Variants in SUPT3H observed in about 807,000 individuals in gnomAD.
The protein encoded by SUPT3H is transcription initiation protein SPT3 homolog.
SUPT3H carries 44 observed loss-of-function variants against 44.3 expected under a neutral mutation model. That is an observed-to-expected ratio of 0.99 (90% CI 0.78 to 1.28). SUPT3H has a LOEUF of 1.28. Among genes scored for constraint, SUPT3H ranks in the 50% most tolerant of loss-of-function variants. SUPT3H has a pLI of 0.00. For synonymous variants in SUPT3H, 124 were observed against 125.6 expected (o/e 0.99, Z 0.09); for missense variants, 380 against 387.1 (o/e 0.98, Z 0.15).
At chr6:44,986,459 A>C (rs946024255) in intron 6 of SUPT3H, among the ~76,000 whole-genome samples, 10 of 152,162 alleles carry the variant, frequency 6.6e-5, no homozygotes, top group Non-Finnish European at 1.0e-4. Context: ...ACTACTACTA[A>C]TACTATTGAG....
intron 5 of SUPT3H, among the ~76,000 whole-genome samples, chr6:45,012,545 G>A (rs1318329745): frequency 2.6e-5 from 4 of 151,828 alleles, no homozygotes; most frequent in South Asian, 2.1e-4. Context: ...TTTGTGAGAC[G>A]CTATTATCAT....
chr6:44,813,270 C>T (rs1766663148), intron 11 of SUPT3H, among the ~76,000 whole-genome samples: 1 of 152,176 alleles, frequency 6.6e-6, no homozygotes, highest in African/African-American at 2.4e-5. Context: ...ACAGCAGCCT[C>T]AAATTCCTGA....
chr6:45,281,390 C>T (rs905890253), intron 2 of SUPT3H, among the ~76,000 whole-genome samples: 4 of 152,224 alleles, frequency 2.6e-5, no homozygotes, highest in Non-Finnish European at 5.9e-5. Context: ...GTCATTCCCA[C>T]CCTAATACTG....
chr6:45,283,246 A>C (rs1778523911), intron 2 of SUPT3H, among the ~76,000 whole-genome samples: 1 of 152,186 alleles, frequency 6.6e-6, no homozygotes, highest in Non-Finnish European at 1.5e-5. Flanking sequence ...TATTAACCTT[A>C]AATGTAAATG....
chr6:44,863,891 G>A (rs150763147), intron 10 of SUPT3H, among the ~76,000 whole-genome samples: 6 of 152,024 alleles, frequency 3.9e-5, no homozygotes, highest in African/African-American at 1.4e-4. Flanking sequence ...ATCAGATCTC[G>A]TGACACTTAT....
chr6:44,846,518 A>G (rs1488977219), intron 10 of SUPT3H, among the ~76,000 whole-genome samples: 1 of 152,188 alleles, frequency 6.6e-6, no homozygotes, highest in East Asian at 1.9e-4. Flanking sequence ...AAGGAGTGGG[A>G]AAAAGGAGGT....
chr6:45,234,024 C>T (rs1435717218), intron 2 of SUPT3H, among the ~76,000 whole-genome samples: 1 of 152,116 alleles, frequency 6.6e-6, no homozygotes, highest in Non-Finnish European at 1.5e-5. Flanking sequence ...TCACCTAGTC[C>T]TTGCAAGGTA....
intron 2 of SUPT3H, among the ~76,000 whole-genome samples, chr6:45,360,042 C>T (rs537122195): frequency 6.6e-6 from 1 of 152,216 alleles, no homozygotes; most frequent in African/African-American, 2.4e-5. Flanking sequence ...AGTAGTCACA[C>T]ATAAACTGTT....
chr6:45,165,299 G>A (rs1246822760), intron 2 of SUPT3H, among the ~76,000 whole-genome samples: 3 of 152,134 alleles, frequency 2.0e-5, no homozygotes, highest in South Asian at 2.1e-4. Context: ...GAAGCCTGGT[G>A]TACTAAAAAT....
At chr6:44,941,492 G>A (rs992475428) in intron 9 of SUPT3H, among the ~76,000 whole-genome samples, 9 of 152,072 alleles carry the variant, frequency 5.9e-5, no homozygotes, top group African/African-American at 1.7e-4. Flanking sequence ...GTAAGGTTTT[G>A]CTGAGAAGTC....
At chr6:44,920,606 T>A (rs1266292624) in intron 10 of SUPT3H, among the ~76,000 whole-genome samples, 2 of 151,448 alleles carry the variant, frequency 1.3e-5, no homozygotes, top group Non-Finnish European at 2.9e-5. Flanking sequence ...AAAAGAAATT[T>A]AAGAGACAAA....
At chr6:45,092,987 T>C (rs888415178) in intron 3 of SUPT3H, among the ~76,000 whole-genome samples, 8 of 152,014 alleles carry the variant, frequency 5.3e-5, no homozygotes, top group African/African-American at 1.7e-4. Flanking sequence ...CCTAACACAA[T>C]GTAGTAAAAT....
chr6:45,269,103 G>T (rs979794923), intron 2 of SUPT3H, among the ~76,000 whole-genome samples: 2 of 152,110 alleles, frequency 1.3e-5, no homozygotes, highest in South Asian at 2.1e-4. Flanking sequence ...TGAAAAGAAA[G>T]AAATTTGAGC....
chr6:45,091,937 C>A (rs6922660), intron 3 of SUPT3H, among the ~76,000 whole-genome samples: 57,967 of 151,396 alleles, frequency 0.38, 11,694 homozygotes, highest in Non-Finnish European at 0.45. Flanking sequence ...AATATCAATA[C>A]GCATACTGGG....
intron 2 of SUPT3H, among the ~76,000 whole-genome samples, chr6:45,356,341 T>C (rs920910768): frequency 6.6e-6 from 1 of 152,074 alleles, no homozygotes; most frequent in African/African-American, 2.4e-5. Context: ...TATACACACA[T>C]ATATGTTAAT....
chr6:45,334,590 T>C (rs1390309224), intron 2 of SUPT3H, among the ~76,000 whole-genome samples: 1 of 151,156 alleles, frequency 6.6e-6, no homozygotes, highest in Non-Finnish European at 1.5e-5. Flanking sequence ...GAACTTCACA[T>C]GAACACGATG....
chr6:45,215,550 G>A (rs1054709155), intron 2 of SUPT3H, among the ~76,000 whole-genome samples: 1 of 152,028 alleles, frequency 6.6e-6, no homozygotes, highest in African/African-American at 2.4e-5. Context: ...TTTTAAAAAT[G>A]TAGTACAATT....
chr6:45,376,269 C>A (rs1796762252), intron 1 of SUPT3H, among the ~76,000 whole-genome samples: 1 of 152,164 alleles, frequency 6.6e-6, no homozygotes, highest in Non-Finnish European at 1.5e-5. Context: ...AATATAATTA[C>A]AATTCCCTAT....
At chr6:45,034,690 C>G (rs908814214) in intron 3 of SUPT3H, among the ~76,000 whole-genome samples, 1 of 152,094 alleles carries the variant, frequency 6.6e-6, no homozygotes, top group Non-Finnish European at 1.5e-5. Flanking sequence ...CATAAATTAG[C>G]ATTTGTTGAA....
Sources: gnomAD v4.1 joint callset for allele counts (sites outside exome capture counted in the v4.1 genomes callset) on GRCh38, gnomAD v4.1.1 for gene constraint, MANE v1.5 for transcripts, NCBI Gene and HGNC (gene_info 2026-07-23, HGNC 2026-07-21) for gene names.